Variants in KAT6B observed in about 807,000 individuals in gnomAD.
KAT6B encodes histone acetyltransferase KAT6B.
In KAT6B, 10 loss-of-function variants were observed where a neutral mutation model predicts 187.5. The observed-to-expected ratio is 0.05, with a 90% CI of 0.03 to 0.09. The LOEUF (loss-of-function observed/expected upper bound fraction) is 0.09. Ranked by LOEUF, KAT6B falls within the 10% of genes least tolerant of loss-of-function variation. The pLI is 1.00. For missense variants in KAT6B, 1,952 were observed against 2,558.9 expected (o/e 0.76, Z 5.12); for synonymous variants, 861 against 926.8 (o/e 0.93, Z 1.29).
chr10:74,871,857 A>G (rs112698317), intron 3 of KAT6B, among the ~76,000 whole-genome samples: 4 of 152,332 alleles, frequency 2.6e-5, no homozygotes, highest in African/African-American at 9.6e-5. Flanking sequence ...TGGAGTCAGA[A>G]GACTGGCTCC....
At chr10:74,972,252 T>A (rs1841896454) in intron 6 of KAT6B, among the ~76,000 whole-genome samples, 1 of 152,092 alleles carries the variant, frequency 6.6e-6, no homozygotes, top group Non-Finnish European at 1.5e-5. Context: ...GTGAGAGGCT[T>A]AATGACATGT....
chr10:74,984,947 T>C, intron 11 of KAT6B, 133 bp from the exon 12 acceptor site: 1 of 814,626 alleles, frequency 1.2e-6, no homozygotes, highest in African/African-American at 1.7e-5. Flanking sequence ...ACTTGCTTAA[T>C]AGAGTGTTTT....
chr10:75,018,576 G>A (rs1021907305), intron 13 of KAT6B, among the ~76,000 whole-genome samples: 2 of 152,170 alleles, frequency 1.3e-5, no homozygotes, highest in East Asian at 1.9e-4. Flanking sequence ...GCTGCCTTCC[G>A]GATTAGGGAC....
intron 3 of KAT6B, among the ~76,000 whole-genome samples, chr10:74,897,067 G>A (rs929326818): frequency 6.6e-6 from 1 of 152,134 alleles, no homozygotes; most frequent in African/African-American, 2.4e-5. Flanking sequence ...GTGTGAATTT[G>A]TGTATGGTAT....
intron 1 of KAT6B, among the ~76,000 whole-genome samples, chr10:74,833,420 G>A (rs1404899674): frequency 6.6e-6 from 1 of 152,084 alleles, no homozygotes; most frequent in African/African-American, 2.4e-5. Flanking sequence ...GTTTTACAAG[G>A]GATCAAATTT....
At chr10:74,963,161 A>T (rs944188181) in intron 4 of KAT6B, among the ~76,000 whole-genome samples, 2 of 152,244 alleles carry the variant, frequency 1.3e-5, no homozygotes, top group African/African-American at 4.8e-5. Context: ...GGGAATCATC[A>T]GATAGTCTAG....
At chr10:74,904,879 G>A (rs1846648277) in intron 3 of KAT6B, among the ~76,000 whole-genome samples, 1 of 152,116 alleles carries the variant, frequency 6.6e-6, no homozygotes, top group Admixed American at 6.5e-5. Context: ...AGTCTTCACA[G>A]CAGTGGCCTC....
At chr10:75,018,763 C>T (rs1256082420) in intron 13 of KAT6B, among the ~76,000 whole-genome samples, 2 of 152,118 alleles carry the variant, frequency 1.3e-5, no homozygotes, top group African/African-American at 4.8e-5. Context: ...CTGCTGGATT[C>T]AAATAAGCAC....
intron 13 of KAT6B, among the ~76,000 whole-genome samples, chr10:75,014,419 C>G (rs1294866252): frequency 6.6e-6 from 1 of 152,022 alleles, no homozygotes; most frequent in Non-Finnish European, 1.5e-5. Context: ...TAATGCCACT[C>G]TTTTCACTAT....
intron 3 of KAT6B, 110 bp downstream of exon 3, chr10:74,843,588 A>T: frequency 1.4e-6 from 2 of 1,386,556 alleles, no homozygotes; most frequent in Non-Finnish European, 1.0e-6. Context: ...GATAAAATTG[A>T]ATGTTTTGCC....
Position 75,021,874 on chromosome 10 carries a change from C to T in KAT6B, c.3022-7C>T. 6.2e-7 allele frequency: 1 copy of T among 1,614,156 alleles called. No individual in the cohort carries two copies. The highest frequency in any genetic ancestry group is 8.5e-7 in the Non-Finnish European group (1 of 1,180,024). ...CACTGGCCACCATTTTTACCCTCCC[C>T]ACTTAGGCTGAGCGGCTAATGGAAC... On this transcript the variant is annotated splice_polypyrimidine_tract_variant and splice_region_variant and intron_variant, in intron 15 of 17. Coordinates refer to ENST00000287239, the MANE Select transcript of KAT6B (RefSeq NM_012330.4).
chr10:75,005,699 T>G (rs1844157536), intron 13 of KAT6B, among the ~76,000 whole-genome samples: 2 of 152,230 alleles, frequency 1.3e-5, no homozygotes, highest in African/African-American at 4.8e-5. Flanking sequence ...CTGATTTTTT[T>G]TCTCCCCCAT....
chr10:74,929,930 T>A (rs528658323), intron 3 of KAT6B, among the ~76,000 whole-genome samples: 51 of 151,688 alleles, frequency 3.4e-4, no homozygotes, highest in Non-Finnish European at 5.3e-4. Context: ...CCTTTTTTTT[T>A]TTTTTTTGAG....
chr10:74,849,435 G>C (rs1842325979), intron 3 of KAT6B, among the ~76,000 whole-genome samples: 1 of 151,902 alleles, frequency 6.6e-6, no homozygotes, highest in African/African-American at 2.4e-5. Context: ...TGGGATTACA[G>C]GCACGCACCA....
rs772494538 is a variant in KAT6B, at chr10:74,969,775, T to A, written c.846T>A (p.Ala282=). The A allele has an allele frequency of 6.2e-7, 1 of 1,600,346 alleles. No homozygotes were observed. ...CCTGTAGAGTCCAAGGCAGAAATGC[T>A]GTAAGTATGGCTCCCGTAATCCGCC... The part of the protein sequence containing the change: ...CSACRVQGRN[A]DNMLFCDSCD... Residue 282 remains alanine (A), a splice_region_variant and synonymous_variant, in exon 5 of 18, where the codon GCT becomes GCA. Transcript: ENST00000287239.
In KAT6B at chr10:75,030,714, G is replaced by A. The variant is rs544045858; in HGVS notation, c.5890G>A (p.Gly1964Ser). The change falls in exon 18 of 18, where the codon GGC becomes AGC. Residue 1964 changes from glycine to serine, a missense_variant. Around this residue, in one of 9 missense-constraint regions of KAT6B, gnomAD observed 358 missense variants for 436.3 expected, o/e 0.82. Transcript: ENST00000287239. This position sits in a 1 kb window ranked among gnomAD's most constrained non-coding sequence, Gnocchi z 4.8. ...TGCACGGACTTTAACGATGCAAAGA[G>A]GCATGAACATGAGTGTGAACCTGAT... ...GPARTLTMQR[G>S]MNMSVNLMPA... 2 of 1,614,188 alleles carry A rather than the reference G, an allele frequency of 1.2e-6. No individual in the cohort carries two copies. The highest frequency in any genetic ancestry group is 2.2e-5 in the South Asian group (2 of 91,086).
At chr10:74,858,383 C>G (rs1018759695) in intron 3 of KAT6B, among the ~76,000 whole-genome samples, 14 of 151,026 alleles carry the variant, frequency 9.3e-5, no homozygotes, top group African/African-American at 3.2e-4. Flanking sequence ...CTCCTAGGCT[C>G]AAGCACTCCT....
At chr10:74,887,667 G>T (rs1177734807) in intron 3 of KAT6B, among the ~76,000 whole-genome samples, 1 of 151,986 alleles carries the variant, frequency 6.6e-6, no homozygotes, top group East Asian at 1.9e-4. Context: ...GACCAGGCTG[G>T]CACATTTAGC....
chr10:74,860,095 G>A (rs1294279720), intron 3 of KAT6B, among the ~76,000 whole-genome samples: 4 of 152,100 alleles, frequency 2.6e-5, no homozygotes, highest in African/African-American at 4.8e-5. Flanking sequence ...TAGGGAACAT[G>A]TGCACAAGTG....
Sources: gnomAD v4.1 joint callset for allele counts (sites outside exome capture counted in the v4.1 genomes callset) on GRCh38, gnomAD v4.1.1 for gene constraint, gnomAD v4.1.1 regional missense constraint, Gnocchi (gnomAD v3.1) non-coding constraint, MANE v1.5 for transcripts, NCBI Gene and HGNC (gene_info 2026-07-23, HGNC 2026-07-21) for gene names.